The following CPLX4 variants were observed in gnomAD, a reference collection of about 807,000 sequenced individuals.
CPLX4 encodes the protein complexin-4.
Under a neutral mutation model 16.1 loss-of-function variants are expected in CPLX4, and 17 were observed. The observed-to-expected ratio is 1.06, with a 90% confidence interval of 0.72 to 1.59. The LOEUF is 1.59. Among genes scored for constraint, CPLX4 ranks in the 40% most tolerant of loss-of-function variants. The pLI, the probability that CPLX4 is intolerant of heterozygous loss-of-function variation, is 0.00. For missense variants in CPLX4, 193 were observed against 192.9 expected (o/e 1.00, Z 0.00); for synonymous variants, 55 against 57.8 (o/e 0.95, Z 0.22).
intron 1 of CPLX4, among the ~76,000 whole-genome samples, chr18:59,313,599 C>A (rs941702881): frequency 6.6e-6 from 1 of 152,206 alleles, no homozygotes; most frequent in African/African-American, 2.4e-5. Flanking sequence ...CATGGCCCTG[C>A]CCTCTGGCTA....
At chr18:59,314,673 C>T (rs1194462629) in intron 1 of CPLX4, among the ~76,000 whole-genome samples, 1 of 152,204 alleles carries the variant, frequency 6.6e-6, no homozygotes, top group Non-Finnish European at 1.5e-5. Context: ...AGGCCTACCC[C>T]CTAGCCCTAG....
intron 2 of CPLX4, 75 bp from the exon 3 acceptor site, chr18:59,297,000 A>G: frequency 6.5e-7 from 1 of 1,526,768 alleles, no homozygotes; most frequent in Non-Finnish European, 8.7e-7. Context: ...TTTTAAAAGC[A>G]GCAGGAAAAG....
rs7228681 is a variant in CPLX4 at position 59,297,038 on chromosome 18, G to T, written c.256-113C>A. 82 of 1,457,170 alleles carry T rather than the reference G, an allele frequency of 5.6e-5. 1 individual carries two copies. Among genetic ancestry groups the T allele is most frequent in the Non-Finnish European group, 1.4e-5 (15 of 1,109,942 alleles). 90.3% of individuals were successfully genotyped at this position (1,457,170 alleles called of 1,614,324 possible). ...CTTTAGAGAATACAGGAAGTGAGTG[G>T]CACTCTTGGCCTTGCAGCAGAGCCT... is the stretch of plus-strand genomic sequence containing the variant. On this transcript the variant is annotated intron_variant, in intron 2 of 2. Coordinates refer to ENST00000299721, the MANE Select transcript of CPLX4 (RefSeq NM_181654.4).
intron 2 of CPLX4, among the ~76,000 whole-genome samples, chr18:59,309,549 C>T (rs927556787): frequency 5.9e-5 from 9 of 152,240 alleles, no homozygotes; most frequent in East Asian, 1.9e-4. Context: ...AGAGGCCGGG[C>T]GCAGTGGCTC....
intron 2 of CPLX4, among the ~76,000 whole-genome samples, chr18:59,312,462 A>AAT (rs1044315890): frequency 2.1e-5 from 3 of 145,800 alleles, no homozygotes; most frequent in Non-Finnish European, 4.5e-5. Flanking sequence ...ATATCTCCTG[A>AAT]ATATATATAT....
chr18:59,318,194 G>C lies in CPLX4; in HGVS notation c.167+102C>G, dbSNP rs1002798501. 18 of 1,451,318 alleles carry C rather than the reference G, an allele frequency of 1.2e-5. 1 individual carries two copies. Among genetic ancestry groups the C allele is most frequent in the South Asian group, 1.7e-5 (1 of 57,726 alleles). 89.9% of individuals were successfully genotyped at this position (1,451,318 alleles called of 1,614,324 possible). ...TTAGAGGTAAACGGCAAAAGGAAAG[G>C]CATCTTAAAAAGCAAAGAGAAATAA... On this transcript the variant is annotated intron_variant, in intron 1 of 2. Coordinates refer to ENST00000299721, the MANE Select transcript of CPLX4 (RefSeq NM_181654.4).
chr18:59,305,606 G>A (rs2070571464), intron 2 of CPLX4, among the ~76,000 whole-genome samples: 1 of 152,172 alleles, frequency 6.6e-6, no homozygotes, highest in African/African-American at 2.4e-5. Flanking sequence ...CATGGAAGTG[G>A]AGCCTATAGG....
rs2070500532 is a variant in CPLX4 at position 59,296,366 on chromosome 18, G to T, written c.*332C>A. On this transcript the variant is annotated 3_prime_UTR_variant, in exon 3 of 3. Coordinates refer to ENST00000299721, the MANE Select transcript of CPLX4 (RefSeq NM_181654.4). ...GGGTGAGAACTTGGCCTCCAAGGAAGAAAGTTGGAGAGGAAATGCCCCTTG... is the reference window on the plus strand; with the variant it reads ...GGGTGAGAACTTGGCCTCCAAGGAATAAAGTTGGAGAGGAAATGCCCCTTG... 1 of 317,956 alleles carries T rather than the reference G, an allele frequency of 3.1e-6. No homozygotes were observed. Among genetic ancestry groups the T allele is most frequent in the Admixed American group, 5.1e-5 (1 of 19,672 alleles). The allele number at this position is 317,956 out of a possible 1,614,324, so 19.7% of individuals were successfully genotyped here.
At chr18:59,317,579 G>T (rs991557825) in intron 1 of CPLX4, among the ~76,000 whole-genome samples, 1 of 152,042 alleles carries the variant, frequency 6.6e-6, no homozygotes. Context: ...ATTTGGGGGT[G>T]AAGTACATGA....
chr18:59,308,619 G>A (rs919975338), intron 2 of CPLX4, among the ~76,000 whole-genome samples: 56 of 148,286 alleles, frequency 3.8e-4, no homozygotes, highest in African/African-American at 1.2e-3. Context: ...CCCGCAGCCC[G>A]GGTTCCGCCT....
chr18:59,318,557 T>A lies in CPLX4; in HGVS notation c.-95A>T. 1.3e-6 allele frequency: 2 copies of A among 1,482,604 alleles called. No homozygotes were observed. Among genetic ancestry groups the A allele is most frequent in the East Asian group, 2.4e-5 (1 of 41,662 alleles). The allele number at this position is 1,482,604 out of a possible 1,614,324, so 91.8% of individuals were successfully genotyped here. A position where few individuals can be genotyped will look rare whatever the true frequency, so the allele number is the denominator to read the frequency against. On this transcript the variant is annotated 5_prime_UTR_variant, in exon 1 of 3. Transcript: ENST00000299721. ...AGAGAAAACCTCCAAATATTCTCAATGACAGCAATACATTTAAGAGCAAAG... is the reference window on the plus strand; with the variant it reads ...AGAGAAAACCTCCAAATATTCTCAAAGACAGCAATACATTTAAGAGCAAAG...
At chr18:59,305,271 A>G (rs1461825374) in intron 2 of CPLX4, among the ~76,000 whole-genome samples, 2 of 152,128 alleles carry the variant, frequency 1.3e-5, no homozygotes, top group Non-Finnish European at 2.9e-5. Flanking sequence ...GAGTAGTAGC[A>G]AGAGGTGAGG....
chr18:59,310,665 C>T (rs189405100), intron 2 of CPLX4, among the ~76,000 whole-genome samples: 6 of 152,164 alleles, frequency 3.9e-5, no homozygotes, highest in Non-Finnish European at 5.9e-5. Flanking sequence ...TATTGTCAGG[C>T]GTTGTACTAG....
chr18:59,313,888 T>C (rs963465401), intron 1 of CPLX4, among the ~76,000 whole-genome samples: 1 of 152,248 alleles, frequency 6.6e-6, no homozygotes, highest in East Asian at 1.9e-4. Context: ...ATGGGAATTC[T>C]ACTTGTGGAT....
At chr18:59,303,515 C>T (rs2144182372) in intron 2 of CPLX4, among the ~76,000 whole-genome samples, 1 of 152,236 alleles carries the variant, frequency 6.6e-6, no homozygotes, top group East Asian at 1.9e-4. Context: ...GGATGAGAAC[C>T]TAGCACAGCT....
At chr18:59,300,993 C>T (rs1474233159) in intron 2 of CPLX4, among the ~76,000 whole-genome samples, 1 of 152,220 alleles carries the variant, frequency 6.6e-6, no homozygotes, top group Non-Finnish European at 1.5e-5. Context: ...GGTGGCAGAA[C>T]ATAAGTGCTG....
chr18:59,308,636 G>A (rs1443028128), intron 2 of CPLX4, among the ~76,000 whole-genome samples: 1 of 151,702 alleles, frequency 6.6e-6, no homozygotes, highest in Non-Finnish European at 1.5e-5. Context: ...GCCTCCCGCG[G>A]GTGCCAGTGG....
At chr18:59,313,877 G>C (rs2070634775) in intron 1 of CPLX4, among the ~76,000 whole-genome samples, 1 of 152,234 alleles carries the variant, frequency 6.6e-6, no homozygotes, top group Non-Finnish European at 1.5e-5. Flanking sequence ...CGTGAGGCCT[G>C]ATGGGAATTC....
rs538933401 is a variant in CPLX4 at position 59,309,834 on chromosome 18, A to G, written c.255+2851T>C. The stretch of plus-strand genomic sequence containing the variant: ...TGAGACTCTGTGTCAAAAAAAAAAA[A>G]AAAAAAAAGAAAAAGAAAAAAAGAG... On this transcript the variant is annotated intron_variant, in intron 2 of 2. Coordinates refer to ENST00000299721, the MANE Select transcript of CPLX4 (RefSeq NM_181654.4). Among the ~76,000 whole-genome samples the G allele has an allele frequency of 5.4e-5, 6 of 112,014 alleles. No individual in the cohort carries two copies. The East Asian group carries it at 1.4e-3, about 25-fold the overall frequency. The allele number at this position is 112,014 out of a possible 152,430, so 73.5% of individuals were successfully genotyped here.
Sources: gnomAD v4.1 joint callset for allele counts (sites outside exome capture counted in the v4.1 genomes callset) on GRCh38, gnomAD v4.1.1 for gene constraint, MANE v1.5 for transcripts, NCBI Gene and HGNC (gene_info 2026-07-23, HGNC 2026-07-21) for gene names.